PTPRT: variants seen among roughly 807,000 people sequenced by gnomAD.
The protein encoded by PTPRT is receptor-type tyrosine-protein phosphatase T.
Under a neutral mutation model 176.8 loss-of-function variants are expected in PTPRT, and 56 were observed. The observed-to-expected ratio is 0.32, with a 90% CI of 0.26 to 0.40. The LOEUF is 0.40. Among genes scored for constraint, PTPRT ranks in the 10% least tolerant of loss-of-function variants. The probability of loss-of-function intolerance (pLI) is 1.00; values close to 1 mark genes in which losing one functional copy is unlikely to be tolerated. For synonymous variants in PTPRT, 783 were observed against 739.0 expected (o/e 1.06, Z -0.96); for missense variants, 1,540 against 1,908.2 (o/e 0.81, Z 3.60).
chr20:43,065,974 C>T (rs2011108695), intron 1 of PTPRT, among the ~76,000 whole-genome samples: 1 of 152,176 alleles, frequency 6.6e-6, no homozygotes, highest in Admixed American at 6.5e-5. Context: ...CTCTATCACT[C>T]CCAGTCCACC....
chr20:42,949,390 C>T (rs1472478041), intron 1 of PTPRT, among the ~76,000 whole-genome samples: 2 of 152,174 alleles, frequency 1.3e-5, no homozygotes, highest in African/African-American at 4.8e-5. Context: ...CCAAGCTAGC[C>T]ACAGGAAAAA....
At chr20:42,895,460 T>A (rs774546706) in intron 1 of PTPRT, among the ~76,000 whole-genome samples, 2 of 152,164 alleles carry the variant, frequency 1.3e-5, no homozygotes, top group Non-Finnish European at 2.9e-5. Flanking sequence ...TGTCATTCAC[T>A]AAGATAAGCT....
intron 9 of PTPRT, among the ~76,000 whole-genome samples, chr20:42,447,727 G>A (rs2070757392): frequency 6.6e-6 from 1 of 152,134 alleles, no homozygotes; most frequent in Admixed American, 6.6e-5. Context: ...TGGGGGCTTT[G>A]GATGCCATCA....
intron 15 of PTPRT, among the ~76,000 whole-genome samples, chr20:42,219,927 T>A (rs1984027399): frequency 6.6e-6 from 1 of 152,228 alleles, no homozygotes; most frequent in Non-Finnish European, 1.5e-5. Context: ...TGGGCACTGC[T>A]AAGCACCTGG....
chr20:42,136,327 A>G (rs538980013), intron 18 of PTPRT, among the ~76,000 whole-genome samples: 9 of 147,406 alleles, frequency 6.1e-5, no homozygotes, highest in Non-Finnish European at 1.3e-4. Flanking sequence ...AAGTATTGGA[A>G]ATGTTAATGC....
intron 13 of PTPRT, among the ~76,000 whole-genome samples, chr20:42,274,309 G>A (rs1352664198): frequency 6.6e-6 from 1 of 152,154 alleles, no homozygotes; most frequent in East Asian, 1.9e-4. Flanking sequence ...GGGGTTCTCT[G>A]AGACCACATA....
At chr20:42,430,938 G>T (rs747875183) in intron 9 of PTPRT, among the ~76,000 whole-genome samples, 4 of 152,020 alleles carry the variant, frequency 2.6e-5, no homozygotes, top group Non-Finnish European at 5.9e-5. Flanking sequence ...ACACAGGTGA[G>T]ATCTATGTGC....
chr20:42,598,975 A>G (rs559791324), intron 7 of PTPRT, among the ~76,000 whole-genome samples: 8 of 152,294 alleles, frequency 5.3e-5, no homozygotes, highest in Admixed American at 1.3e-4. Context: ...AAGCAAATCA[A>G]AGTGTTCCAA....
chr20:43,029,787 G>A (rs1005150861), intron 1 of PTPRT, among the ~76,000 whole-genome samples: 5 of 152,160 alleles, frequency 3.3e-5, no homozygotes, highest in African/African-American at 9.7e-5. Flanking sequence ...GAGTGGCTAC[G>A]TAATTTGCTT....
rs1015035883 is a variant in PTPRT at position 42,079,800 on chromosome 20, A to G, written c.*1079T>C. Reference sequence around the variant, plus strand: ...CCCAGAAACCAAAGGGACCATCTTCAGGCTCACCCATCTCTCCTTGCTCAG... The same window carrying G: ...CCCAGAAACCAAAGGGACCATCTTCGGGCTCACCCATCTCTCCTTGCTCAG... On this transcript the variant is annotated 3_prime_UTR_variant, in exon 31 of 31. Coordinates refer to ENST00000373187, the MANE Select transcript of PTPRT (RefSeq NM_007050.6). The G allele has an allele frequency of 3.0e-4, 69 of 229,880 alleles. 1 individual carries two copies. The highest frequency in any genetic ancestry group is 1.4e-3 in the African/African-American group (64 of 45,130). The allele number at this position is 229,880 out of a possible 1,614,324, so 14.2% of individuals were successfully genotyped here.
chr20:42,100,629 G>T (rs1985840604), intron 26 of PTPRT, among the ~76,000 whole-genome samples: 1 of 152,132 alleles, frequency 6.6e-6, no homozygotes, highest in Non-Finnish European at 1.5e-5. Flanking sequence ...AGGCAGGGAG[G>T]GGGTGTTGGG....
chr20:42,808,319 G>T (rs893569209), intron 2 of PTPRT, among the ~76,000 whole-genome samples: 3 of 152,176 alleles, frequency 2.0e-5, no homozygotes, highest in Non-Finnish European at 2.9e-5. Context: ...CAGTGACAAT[G>T]GGTCTGGGGA....
At chr20:42,224,142 A>G (rs951663171) in intron 15 of PTPRT, among the ~76,000 whole-genome samples, 2 of 152,186 alleles carry the variant, frequency 1.3e-5, no homozygotes, top group Non-Finnish European at 2.9e-5. Flanking sequence ...TTATTCTGTT[A>G]AGAAAGAGAT....
intron 18 of PTPRT, among the ~76,000 whole-genome samples, chr20:42,132,527 C>A (rs78608116): frequency 0.022 from 3,312 of 152,164 alleles, 124 homozygotes; most frequent in African/African-American, 0.076. Flanking sequence ...GAACAGACAC[C>A]TAATCAAGGA....
chr20:43,089,405 T>C (rs1190352105), intron 1 of PTPRT, among the ~76,000 whole-genome samples: 3 of 152,226 alleles, frequency 2.0e-5, no homozygotes, highest in Non-Finnish European at 4.4e-5. Flanking sequence ...ATTGCTAATA[T>C]AAACTGCCTC....
At chr20:42,701,367 G>C (rs1436233455) in intron 6 of PTPRT, among the ~76,000 whole-genome samples, 1 of 152,198 alleles carries the variant, frequency 6.6e-6, no homozygotes, top group Non-Finnish European at 1.5e-5. Context: ...AGATTAGTCA[G>C]TAATGATAGG....
chr20:42,442,598 TAA>T (rs1414403877), intron 9 of PTPRT, among the ~76,000 whole-genome samples: 1 of 152,224 alleles, frequency 6.6e-6, no homozygotes, highest in African/African-American at 2.4e-5. Context: ...TTTTGACTGC[TAA>T]ACAGAAAGGC....
chr20:42,664,114 T>C (rs2075272752), intron 7 of PTPRT, among the ~76,000 whole-genome samples: 2 of 152,354 alleles, frequency 1.3e-5, no homozygotes, highest in Middle Eastern at 3.4e-3. Flanking sequence ...GGTAATATGA[T>C]AGATAAAATG....
chr20:42,441,123 A>G (rs2059312414), intron 9 of PTPRT, among the ~76,000 whole-genome samples: 1 of 152,220 alleles, frequency 6.6e-6, no homozygotes. Flanking sequence ...CAGGACCCAT[A>G]CCCTCACGAG....
Sources: allele counts gnomAD v4.1 joint callset (sites outside exome capture counted in the v4.1 genomes callset), GRCh38; gene constraint gnomAD v4.1.1; transcripts MANE v1.5; gene names NCBI Gene and HGNC (gene_info 2026-07-23, HGNC 2026-07-21).